PRKD1: variants seen among roughly 807,000 people sequenced by gnomAD.
The protein encoded by PRKD1 is protein kinase D1, also known as serine/threonine-protein kinase D1.
PRKD1 carries 63 observed loss-of-function variants against 95.9 expected under a neutral mutation model. The ratio of observed to expected loss-of-function variants is 0.66; its 90% confidence interval spans 0.54 to 0.81. The LOEUF (loss-of-function observed/expected upper bound fraction) is 0.81. PRKD1 is among the 30% of genes least tolerant of loss of function. PRKD1 has a pLI of 0.00. For missense variants in PRKD1, 1,048 were observed against 1,165.3 expected (o/e 0.90, Z 1.47); for synonymous variants, 425 against 423.1 (o/e 1.00, Z -0.05).
intron 2 of PRKD1, among the ~76,000 whole-genome samples, chr14:29,676,385 T>C (rs939674251): frequency 6.6e-6 from 1 of 152,028 alleles, no homozygotes; most frequent in Non-Finnish European, 1.5e-5. Flanking sequence ...CAAAGGAGTC[T>C]CGCTATGTCG....
At chr14:29,692,662 A>T (rs542529612) in intron 2 of PRKD1, among the ~76,000 whole-genome samples, 2 of 151,086 alleles carry the variant, frequency 1.3e-5, no homozygotes, top group African/African-American at 2.4e-5. Context: ...GTACCCATTT[A>T]AAAAAAAAGG....
intron 1 of PRKD1, among the ~76,000 whole-genome samples, chr14:29,921,113 C>T (rs955048270): frequency 6.6e-6 from 1 of 152,116 alleles, no homozygotes; most frequent in Non-Finnish European, 1.5e-5. Context: ...ATTGACATTG[C>T]ACTTGTAATT....
intron 1 of PRKD1, among the ~76,000 whole-genome samples, chr14:29,867,437 A>G (rs1192504448): frequency 1.3e-5 from 2 of 152,336 alleles, no homozygotes; most frequent in Admixed American, 6.5e-5. Flanking sequence ...CAAAGGCTCA[A>G]CTGAGAAAGA....
chr14:29,788,117 AT>A (rs1889358216), intron 1 of PRKD1, among the ~76,000 whole-genome samples: 2 of 152,126 alleles, frequency 1.3e-5, no homozygotes, highest in African/African-American at 2.4e-5. Context: ...ACGGTGATGA[AT>A]TCCCTCAGTT....
intron 1 of PRKD1, among the ~76,000 whole-genome samples, chr14:29,808,064 G>A (rs183511321): frequency 2.9e-3 from 447 of 152,072 alleles, no homozygotes; most frequent in Admixed American, 8.4e-3. Context: ...TTGCTGCATC[G>A]GTTGACTCTT....
intron 16 of PRKD1, among the ~76,000 whole-genome samples, chr14:29,582,717 C>A (rs1454795488): frequency 2.0e-5 from 3 of 152,098 alleles, no homozygotes; most frequent in Non-Finnish European, 4.4e-5. Context: ...GAAGTCACAG[C>A]AGTCCCAGAA....
Position 29,674,536 on chromosome 14 carries a change from C to T in PRKD1, c.404-8328G>A, listed in dbSNP as rs560431989. Among the ~76,000 whole-genome samples the T allele has an allele frequency of 5.3e-5, 8 of 152,156 alleles. No individual in the cohort carries two copies. The South Asian group carries it at 6.2e-4, about 12-fold the overall frequency. ...ATAAATGGTTGCCCCATGTGTCCAA[C>T]GTAGAAGAAAAAGAAAATTAAGTAA... On this transcript the variant is annotated intron_variant, in intron 2 of 17. Coordinates refer to ENST00000331968, the MANE Select transcript of PRKD1 (RefSeq NM_002742.3).
intron 2 of PRKD1, among the ~76,000 whole-genome samples, chr14:29,723,641 C>A (rs1406275526): frequency 6.7e-6 from 1 of 149,624 alleles, no homozygotes; most frequent in Non-Finnish European, 1.5e-5. Context: ...TATAGGTAAG[C>A]GCAGGAGATC....
intron 2 of PRKD1, among the ~76,000 whole-genome samples, chr14:29,683,697 G>A (rs1236949254): frequency 6.6e-6 from 1 of 152,120 alleles, no homozygotes; most frequent in African/African-American, 2.4e-5. Context: ...GTAAAATATG[G>A]GCTGAAAAAT....
intron 7 of PRKD1, 98 bp downstream of exon 7, chr14:29,636,192 A>C (rs1266482723): frequency 7.1e-7 from 1 of 1,418,290 alleles, no homozygotes; most frequent in African/African-American, 1.4e-5. Context: ...CGTGCACTTC[A>C]CATTTCTACT....
intron 1 of PRKD1, among the ~76,000 whole-genome samples, chr14:29,730,024 T>C (rs1206563034): frequency 6.6e-6 from 1 of 151,512 alleles, no homozygotes; most frequent in Non-Finnish European, 1.5e-5. Flanking sequence ...AAAAAGCAAA[T>C]ATAGACAAAC....
chr14:29,867,649 T>C (rs1431027132), intron 1 of PRKD1, among the ~76,000 whole-genome samples: 1 of 152,192 alleles, frequency 6.6e-6, no homozygotes, highest in Non-Finnish European at 1.5e-5. Context: ...GGTCATGTGA[T>C]CAAATCTGTG....
intron 1 of PRKD1, among the ~76,000 whole-genome samples, chr14:29,865,840 C>G (rs1279224576): frequency 1.3e-5 from 2 of 152,154 alleles, no homozygotes; most frequent in Non-Finnish European, 2.9e-5. Flanking sequence ...TACCTGGCTT[C>G]TCTCCAGATT....
intron 1 of PRKD1, among the ~76,000 whole-genome samples, chr14:29,925,696 T>C (rs1895272309): frequency 6.6e-6 from 1 of 152,228 alleles, no homozygotes; most frequent in Admixed American, 6.5e-5. Flanking sequence ...TCTATCAATA[T>C]TACTTTGACC....
intron 1 of PRKD1, among the ~76,000 whole-genome samples, chr14:29,841,342 A>G (rs956640829): frequency 6.6e-6 from 1 of 152,064 alleles, no homozygotes; most frequent in Non-Finnish European, 1.5e-5. Flanking sequence ...GAGATTTTGG[A>G]TGGGCCGGGG....
chr14:29,629,956 CCTT>C (rs2139108484), intron 10 of PRKD1, among the ~76,000 whole-genome samples: 1 of 149,462 alleles, frequency 6.7e-6, no homozygotes, highest in East Asian at 2.0e-4. Flanking sequence ...TCTTCCTTCT[CCTT>C]CTCCTTCTTC....
intron 16 of PRKD1, among the ~76,000 whole-genome samples, chr14:29,591,629 T>C (rs1403076296): frequency 4.6e-5 from 7 of 152,230 alleles, no homozygotes; most frequent in African/African-American, 1.7e-4. Flanking sequence ...AGCTAGGCCA[T>C]GACAGGTTGT....
At chr14:29,818,575 T>C (rs1243282549) in intron 1 of PRKD1, among the ~76,000 whole-genome samples, 4 of 151,766 alleles carry the variant, frequency 2.6e-5, no homozygotes, top group African/African-American at 9.7e-5. Flanking sequence ...TTCAATCTTC[T>C]TGGCATTTAA....
At chr14:29,742,577 C>G (rs904429635) in intron 1 of PRKD1, among the ~76,000 whole-genome samples, 4 of 151,888 alleles carry the variant, frequency 2.6e-5, no homozygotes, top group African/African-American at 9.7e-5. Flanking sequence ...TAAAAAATAG[C>G]AAGTTACACT....
Sources: gnomAD v4.1 joint callset for allele counts (sites outside exome capture counted in the v4.1 genomes callset) on GRCh38, gnomAD v4.1.1 for gene constraint, MANE v1.5 for transcripts, NCBI Gene and HGNC (gene_info 2026-07-23, HGNC 2026-07-21) for gene names.